The following AUTS2 variants were observed in gnomAD, a reference collection of about 807,000 sequenced individuals.
AUTS2 encodes activator of transcription and developmental regulator AUTS2, also known as autism susceptibility gene 2 protein.
Under a neutral mutation model 112.4 loss-of-function variants are expected in AUTS2, and 17 were observed. The observed-to-expected ratio is 0.15, with a 90% CI of 0.10 to 0.23. AUTS2 has a LOEUF of 0.23. AUTS2 is among the 10% of genes least tolerant of loss of function. AUTS2 has a pLI of 1.00. For missense variants in AUTS2, 1,510 were observed against 1,701.6 expected, an observed-to-expected ratio of 0.89 and a Z score of 1.98; for synonymous variants, 751 against 702.7, an observed-to-expected ratio of 1.07 and a Z score of -1.09.
At chr7:70,751,113 G>A (rs575919690) in intron 6 of AUTS2, among the ~76,000 whole-genome samples, 1 of 152,280 alleles carries the variant, frequency 6.6e-6, no homozygotes, top group South Asian at 2.1e-4. Context: ...GACATTAACA[G>A]GTAAAATGAC....
chr7:69,722,624 C>G (rs932333793), intron 1 of AUTS2, among the ~76,000 whole-genome samples: 1 of 152,222 alleles, frequency 6.6e-6, no homozygotes, highest in Non-Finnish European at 1.5e-5. Flanking sequence ...GTGTGCACCA[C>G]TGTGCCTGGC....
intron 1 of AUTS2, among the ~76,000 whole-genome samples, chr7:69,667,061 G>A (rs1796084605): frequency 6.6e-6 from 1 of 152,184 alleles, no homozygotes; most frequent in South Asian, 2.1e-4. Flanking sequence ...GGCCACATCT[G>A]GTGATGGCCT....
chr7:70,682,365 G>A (rs983043635), intron 5 of AUTS2, among the ~76,000 whole-genome samples: 24 of 152,188 alleles, frequency 1.6e-4, no homozygotes, highest in Non-Finnish European at 2.9e-4. Flanking sequence ...AAAAGGAAAG[G>A]GGGGAGACCA....
At chr7:69,941,116 C>A (rs1796609980) in intron 2 of AUTS2, among the ~76,000 whole-genome samples, 1 of 152,120 alleles carries the variant, frequency 6.6e-6, no homozygotes, top group African/African-American at 2.4e-5. Context: ...GAGGGTTATA[C>A]CCTCCCAAGT....
intron 4 of AUTS2, among the ~76,000 whole-genome samples, chr7:70,217,864 A>AT (rs1390368799): frequency 2.6e-5 from 4 of 152,152 alleles, no homozygotes; most frequent in African/African-American, 9.7e-5. Context: ...TTGTCTAGTG[A>AT]TTTTTTGTAA....
intron 2 of AUTS2, among the ~76,000 whole-genome samples, chr7:69,928,027 C>A (rs766073864): frequency 3.0e-4 from 46 of 152,160 alleles, no homozygotes; most frequent in Admixed American, 1.0e-3. Context: ...TGTCTCACAT[C>A]CAGGAAGAAT....
intron 5 of AUTS2, among the ~76,000 whole-genome samples, chr7:70,446,194 C>T (rs1392236021): frequency 3.3e-5 from 5 of 152,210 alleles, no homozygotes; most frequent in Non-Finnish European, 5.9e-5. Context: ...AGGGCCTTTT[C>T]TTTTTTAACA....
At chr7:70,085,286 T>G (rs748063758) in intron 2 of AUTS2, among the ~76,000 whole-genome samples, 5 of 152,216 alleles carry the variant, frequency 3.3e-5, no homozygotes, top group Admixed American at 6.5e-5. Flanking sequence ...AGTTTTAACT[T>G]TTACATTTAT....
chr7:70,574,095 C>G (rs1340664710), intron 5 of AUTS2, among the ~76,000 whole-genome samples: 6 of 152,106 alleles, frequency 3.9e-5, no homozygotes, highest in Non-Finnish European at 7.3e-5. Context: ...CTGCCAAGAT[C>G]TAATCCTGTT....
intron 5 of AUTS2, among the ~76,000 whole-genome samples, chr7:70,658,456 C>T (rs1211724622): frequency 1.3e-5 from 2 of 152,234 alleles, no homozygotes; most frequent in East Asian, 1.9e-4. Flanking sequence ...CGGCTGAATC[C>T]AGCCCCTCAC....
intron 2 of AUTS2, among the ~76,000 whole-genome samples, chr7:70,117,783 C>G (rs1012987377): frequency 6.6e-6 from 1 of 151,400 alleles, no homozygotes; most frequent in Non-Finnish European, 1.5e-5. Context: ...AGTCTTAACG[C>G]TGTCGCCCAG....
chr7:70,690,781 A>G (rs73435057), intron 5 of AUTS2, among the ~76,000 whole-genome samples: 6,925 of 152,188 alleles, frequency 0.046, 307 homozygotes, highest in African/African-American at 0.11. Flanking sequence ...TGGTCAGTAT[A>G]GGAAGACCTT....
intron 1 of AUTS2, among the ~76,000 whole-genome samples, chr7:69,687,155 T>C (rs1308578143): frequency 4.6e-5 from 7 of 152,214 alleles, no homozygotes; most frequent in African/African-American, 1.7e-4. Context: ...ACAAATGCTG[T>C]AAATATGCAC....
At chr7:70,524,477 C>T (rs1799763016) in intron 5 of AUTS2, among the ~76,000 whole-genome samples, 1 of 152,182 alleles carries the variant, frequency 6.6e-6, no homozygotes, top group South Asian at 2.1e-4. Flanking sequence ...ACCTACATGC[C>T]TACATTAACT....
Position 70,790,339 on chromosome 7 carries a change from C to A in AUTS2, c.3123C>A (p.Asp1041Glu), listed in dbSNP as rs1181959724. ...CCATGAACAGCATCAGCAGCCTGGA[C>A]AGGACTCGCATGATGACCCCCTTCA... is the stretch of plus-strand genomic sequence containing the variant. ...IHPMNSISSL[D>E]RTRMMTPFMG... The change falls in exon 19 of 19, where the codon GAC becomes GAA. Residue 1041 changes from aspartate (D) to glutamate (E), a missense_variant. Asp to Glu is a conservative substitution (Grantham distance 45). Around this residue, in one of 3 missense-constraint regions of AUTS2, gnomAD observed 788 missense variants for 797.6 expected, o/e 0.99. Transcript: ENST00000342771. This position sits in a 1 kb window ranked among gnomAD's most constrained non-coding sequence, Gnocchi z 7.6. 2 of 1,613,756 alleles carry A rather than the reference C, an allele frequency of 1.2e-6. No homozygotes were observed. The highest frequency in any genetic ancestry group is 1.7e-6 in the Non-Finnish European group (2 of 1,180,034).
At chr7:69,621,229 ACGAGTGTGTC>A (rs1445819735) in intron 1 of AUTS2, among the ~76,000 whole-genome samples, 2 of 152,180 alleles carry the variant, frequency 1.3e-5, no homozygotes, top group Non-Finnish European at 2.9e-5. Flanking sequence ...ACACCCAAGG[ACGAGTGTGTC>A]AGTGGTGGAG....
intron 5 of AUTS2, among the ~76,000 whole-genome samples, chr7:70,575,930 T>G (rs1419891679): frequency 6.6e-6 from 1 of 152,184 alleles, no homozygotes; most frequent in Non-Finnish European, 1.5e-5. Flanking sequence ...AATTTCAGAT[T>G]GGGACATAGT....
Position 70,792,050 on chromosome 7 carries a change from C to T in AUTS2, c.*1054C>T, listed in dbSNP as rs977288470. On this transcript the variant is annotated 3_prime_UTR_variant, in exon 19 of 19. Transcript: ENST00000342771. ...TTTTGTAATGAGATTTACTTACACCCAAACAGATCCTGAAAGAAAGCTTCA... is the reference window on the plus strand; with the variant it reads ...TTTTGTAATGAGATTTACTTACACCTAAACAGATCCTGAAAGAAAGCTTCA... 1.6e-4 allele frequency: 24 copies of T among 152,648 alleles called. No homozygotes were observed. Among genetic ancestry groups the T allele is most frequent in the African/African-American group, 5.8e-4 (24 of 41,456 alleles). 9.5% of individuals were successfully genotyped at this position (152,648 alleles called of 1,614,324 possible). A position where few individuals can be genotyped will look rare whatever the true frequency, so the allele number is the denominator to read the frequency against.
Position 69,857,829 on chromosome 7 carries a change from A to G in AUTS2, c.310-41457A>G, listed in dbSNP as rs1253141833. On this transcript the variant is annotated intron_variant, in intron 1 of 18. Transcript: ENST00000342771. ...GAGACTCCGTCTCAAAAAAAAAAAAAAGACATTCCTCCTTGGTGATGAATA... is the reference window on the plus strand; with the variant it reads ...GAGACTCCGTCTCAAAAAAAAAAAAGAGACATTCCTCCTTGGTGATGAATA... 2.0e-5 allele frequency among the ~76,000 whole-genome samples: 3 copies of G among 152,134 alleles called. No homozygotes were observed. In the East Asian group the frequency reaches 5.8e-4, roughly 29 times the overall value.
Sources: allele counts gnomAD v4.1 joint callset (sites outside exome capture counted in the v4.1 genomes callset), GRCh38; gene constraint gnomAD v4.1.1; regional missense constraint gnomAD v4.1.1; non-coding constraint Gnocchi (gnomAD v3.1); transcripts MANE v1.5; gene names NCBI Gene and HGNC (gene_info 2026-07-23, HGNC 2026-07-21).